Variants in ZNF638 observed in about 807,000 individuals in gnomAD.
ZNF638 encodes the protein CTCL tumor antigen se33-1.
In ZNF638, 46 loss-of-function variants were observed where a neutral mutation model predicts 195.6. The observed-to-expected ratio is 0.24, with a 90% CI of 0.19 to 0.30. The LOEUF (loss-of-function observed/expected upper bound fraction) is 0.30. ZNF638 is among the 10% of genes least tolerant of loss of function. The pLI is 1.00. For missense variants in ZNF638, 2,440 were observed against 2,325.3 expected, an observed-to-expected ratio of 1.05 and a Z score of -1.01; for synonymous variants, 845 against 772.0, an observed-to-expected ratio of 1.09 and a Z score of -1.57.
rs1027901256 is a variant in ZNF638 at position 71,396,075 on chromosome 2, CT to C, written c.2378-62del. 3.4e-6 allele frequency: 5 copies of C among 1,465,498 alleles called. No homozygotes were observed. The African/African-American group carries it at 7.0e-5, about 20-fold the overall frequency. The allele number at this position is 1,465,498 out of a possible 1,614,324, so 90.8% of individuals were successfully genotyped here. Reference sequence around the variant, plus strand: ...TCTTTCGAAATTATTGCTAGGTTGACTTTTAACTAAATCCAAGTGATGTTAT... The same window carrying C: ...TCTTTCGAAATTATTGCTAGGTTGACTTTAACTAAATCCAAGTGATGTTAT... On this transcript the variant is annotated intron_variant, in intron 10 of 27. Coordinates refer to ENST00000264447, the MANE Select transcript of ZNF638 (RefSeq NM_014497.5).
At chr2:71,360,573 TTTTG>T (rs1167655732) in intron 3 of ZNF638, among the ~76,000 whole-genome samples, 18 of 152,246 alleles carry the variant, frequency 1.2e-4, no homozygotes, top group South Asian at 6.2e-4. Flanking sequence ...TTGTTTTTTG[TTTTG>T]TTTGTCTTTT....
chr2:71,374,665 C>G (rs560864548), intron 8 of ZNF638, among the ~76,000 whole-genome samples: 2 of 152,192 alleles, frequency 1.3e-5, no homozygotes, highest in Non-Finnish European at 2.9e-5. Flanking sequence ...TGCCTGTTAT[C>G]CTAGCATTTT....
intron 20 of ZNF638, among the ~76,000 whole-genome samples, chr2:71,409,028 A>ATT (rs2080160393): frequency 6.6e-6 from 1 of 152,160 alleles, no homozygotes; most frequent in Non-Finnish European, 1.5e-5. Context: ...GTTGTCATTT[A>ATT]TATTTTTCAA....
chr2:71,334,879 C>T (rs567806664), intron 1 of ZNF638, among the ~76,000 whole-genome samples: 2 of 151,856 alleles, frequency 1.3e-5, no homozygotes, highest in East Asian at 3.9e-4. Flanking sequence ...CGAGATTGCG[C>T]CACTGCACTC....
Position 71,423,016 on chromosome 2 carries a change from G to C in ZNF638, c.3502G>C (p.Glu1168Gln). 6.2e-7 allele frequency: 1 copy of C among 1,614,138 alleles called. No individual in the cohort carries two copies. Among genetic ancestry groups the C allele is most frequent in the Non-Finnish European group, 8.5e-7 (1 of 1,179,994 alleles). The change falls in exon 22 of 28, where the codon GAA becomes CAA. Residue 1168 changes from glutamate (E) to glutamine (Q), a missense_variant. This residue lies in a region of ZNF638 where 1,883 missense variants were observed against 1,739.1 expected (regional missense o/e 1.08). Coordinates refer to ENST00000264447, the MANE Select transcript of ZNF638 (RefSeq NM_014497.5). The stretch of plus-strand genomic sequence containing the variant: ...CTTTGCTGTTGAAACTTTGGAGCTT[G>C]AAACTCAAGGAGAGGAGGTCAAAGA... ...SDFAVETLEL[E>Q]TQGEEVKEEI... is the part of the protein sequence containing the mutation.
At chr2:71,408,488 A>G (rs1419350232) in intron 20 of ZNF638, 2 of 419,972 alleles carry the variant, frequency 4.8e-6, no homozygotes, top group South Asian at 3.0e-5. Context: ...ACATGTAGGT[A>G]TCTACATTTT....
At chr2:71,425,958 A>G (rs2080531207) in intron 23 of ZNF638, among the ~76,000 whole-genome samples, 1 of 152,158 alleles carries the variant, frequency 6.6e-6, no homozygotes, top group African/African-American at 2.4e-5. Context: ...CCCGGCCTGT[A>G]TTTCTTAAAA....
intron 8 of ZNF638, among the ~76,000 whole-genome samples, chr2:71,372,078 A>G (rs958886480): frequency 6.6e-6 from 1 of 151,934 alleles, no homozygotes; most frequent in Non-Finnish European, 1.5e-5. Context: ...TTTTTATTTG[A>G]TTTTTGTATA....
At chr2:71,417,340 CACG>C (rs2080319523) in intron 20 of ZNF638, among the ~76,000 whole-genome samples, 1 of 150,630 alleles carries the variant, frequency 6.6e-6, no homozygotes, top group African/African-American at 2.4e-5. Context: ...TCGGCTCGCG[CACG>C]GTGCGCGCAC....
At chr2:71,379,002 C>T (rs2079486309) in intron 8 of ZNF638, among the ~76,000 whole-genome samples, 1 of 151,952 alleles carries the variant, frequency 6.6e-6, no homozygotes, top group Non-Finnish European at 1.5e-5. Context: ...GGCTTTTTTT[C>T]CTTGAGTCTA....
intron 17 of ZNF638, among the ~76,000 whole-genome samples, chr2:71,404,585 C>T (rs1374863919): frequency 2.0e-5 from 3 of 152,050 alleles, no homozygotes; most frequent in Admixed American, 6.6e-5. Flanking sequence ...GGCCTGAAGG[C>T]GCACACCCGT....
chr2:71,358,666 T>C lies in ZNF638; in HGVS notation c.1379+2886T>C, dbSNP rs182521380. On this transcript the variant is annotated intron_variant, in intron 3 of 27. Transcript: ENST00000264447. ...GGCTGTGTCTCCTAACCAGGCCTCA[T>C]GATGCCTTCACAGTTTCTTACCTTC... Among the ~76,000 whole-genome samples, 20 of 152,352 alleles carry C rather than the reference T, an allele frequency of 1.3e-4. No homozygotes were observed. The East Asian group carries it at 3.5e-3, about 26-fold the overall frequency.
chr2:71,355,764 C>G lies in ZNF638; in HGVS notation c.1363C>G (p.Arg455Gly), dbSNP rs765456050. 12 of 1,589,664 alleles carry G rather than the reference C, an allele frequency of 7.5e-6. No homozygotes were observed. The highest frequency in any genetic ancestry group is 1.0e-5 in the Non-Finnish European group (12 of 1,166,784). The change falls in exon 3 of 28, where the codon CGA (arginine) becomes GGA (glycine). Residue 455 changes from arginine (R) to glycine (G), a missense_variant. By Grantham distance (125) the Arg-to-Gly change is moderately radical. This residue lies in a region of ZNF638 where 37 missense variants were observed against 75.7 expected (regional missense o/e 0.49). Transcript: ENST00000264447. ...TACATCTACTCATATTGAGAGCTGT[C>G]GACAGTTACGTCAACAGTAAGAATA... Reference protein sequence around the residue: ...QNTSTHIESCRQLRQQYPDWN... With the variant: ...QNTSTHIESCGQLRQQYPDWN...
At chr2:71,366,496 A>C (rs1294159009) in intron 6 of ZNF638, among the ~76,000 whole-genome samples, 2 of 152,212 alleles carry the variant, frequency 1.3e-5, no homozygotes, top group Non-Finnish European at 2.9e-5. Flanking sequence ...TAAAAGTCCA[A>C]GGTTCAAAAT....
At chr2:71,380,460 T>C in intron 9 of ZNF638, 53 bp from the exon 10 acceptor site, 2 of 1,485,406 alleles carry the variant, frequency 1.3e-6, no homozygotes, top group East Asian at 2.3e-5. Context: ...TTTAGGATTT[T>C]GTAGAACTTA....
intron 14 of ZNF638, 101 bp from the exon 15 acceptor site, chr2:71,400,377 G>C (rs1235058963): frequency 8.4e-7 from 1 of 1,193,542 alleles, no homozygotes; most frequent in East Asian, 2.4e-5. Context: ...TAGACTTGTT[G>C]TATTACACGT....
intron 25 of ZNF638, 140 bp downstream of exon 25, chr2:71,428,791 T>A: frequency 1.6e-6 from 1 of 607,660 alleles, no homozygotes; most frequent in Non-Finnish European, 2.9e-6. Context: ...AGTTATTAGA[T>A]GTGGGTAACA....
chr2:71,426,055 T>C (rs1299433361), intron 23 of ZNF638, among the ~76,000 whole-genome samples: 3 of 152,228 alleles, frequency 2.0e-5, no homozygotes, highest in African/African-American at 7.2e-5. Flanking sequence ...TTTCTAACTA[T>C]ATTTGAGGTG....
At position 71,363,947 on chromosome 2, in the gene ZNF638, C is replaced by CT. The variant is rs2079152370; in HGVS notation, c.1419-5dup. On this transcript the variant is annotated splice_polypyrimidine_tract_variant and splice_region_variant and intron_variant, in intron 4 of 27. Coordinates refer to ENST00000264447, the MANE Select transcript of ZNF638 (RefSeq NM_014497.5). Reference sequence around the variant, plus strand: ...GATCACTTTCTTTTCCGCCCCCCTGCTTGTAGAAATGAGGGCAATAGAAAA... The same window carrying CT: ...GATCACTTTCTTTTCCGCCCCCCTGCTTTGTAGAAATGAGGGCAATAGAAAA... The CT allele has an allele frequency of 6.2e-7, 1 of 1,601,024 alleles. No individual in the cohort carries two copies. The highest frequency in any genetic ancestry group is 1.3e-5 in the African/African-American group (1 of 74,320).
Sources: allele counts gnomAD v4.1 joint callset (sites outside exome capture counted in the v4.1 genomes callset), GRCh38; gene constraint gnomAD v4.1.1; regional missense constraint gnomAD v4.1.1; transcripts MANE v1.5; gene names NCBI Gene and HGNC (gene_info 2026-07-23, HGNC 2026-07-21).